The following UBXN7 variants were observed in gnomAD, a reference collection of about 807,000 sequenced individuals.
UBXN7 encodes UBX domain protein 7.
In UBXN7, 9 loss-of-function variants were observed where a neutral mutation model predicts 58.0. That is an observed-to-expected ratio of 0.16 (90% CI 0.09 to 0.27). The LOEUF is 0.27. Ranked by LOEUF, UBXN7 falls within the 10% of genes least tolerant of loss-of-function variation. The pLI is 1.00. For synonymous variants in UBXN7, 208 were observed against 205.0 expected (o/e 1.01, Z -0.12); for missense variants, 328 against 599.6 (o/e 0.55, Z 4.73).
At chr3:196,385,206 G>C (rs1729338164) in intron 5 of UBXN7, among the ~76,000 whole-genome samples, 1 of 152,232 alleles carries the variant, frequency 6.6e-6, no homozygotes, top group African/African-American at 2.4e-5. Context: ...GTTTCGCCGT[G>C]TTGGCCGGGC....
At chr3:196,364,773 T>C (rs921843970) in intron 8 of UBXN7, among the ~76,000 whole-genome samples, 1 of 151,664 alleles carries the variant, frequency 6.6e-6, no homozygotes, top group Non-Finnish European at 1.5e-5. Context: ...CTCAGCTCAC[T>C]ACTATCTCCA....
At chr3:196,415,452 A>G (rs1730452048) in intron 1 of UBXN7, among the ~76,000 whole-genome samples, 1 of 140,798 alleles carries the variant, frequency 7.1e-6, no homozygotes, top group African/African-American at 2.5e-5. Context: ...GCACCCAGCC[A>G]TATTATCATA....
intron 1 of UBXN7, among the ~76,000 whole-genome samples, chr3:196,422,388 G>A (rs1698890695): frequency 6.6e-6 from 1 of 151,908 alleles, no homozygotes; most frequent in Admixed American, 6.6e-5. Context: ...GGCTGAGGCA[G>A]GAGGATTATT....
intron 10 of UBXN7, among the ~76,000 whole-genome samples, chr3:196,359,062 T>C (rs1376046011): frequency 1.3e-5 from 2 of 152,178 alleles, no homozygotes; most frequent in East Asian, 1.9e-4. Context: ...CCCTGTTTCA[T>C]TGTGCTTCAA....
At chr3:196,407,809 A>C (rs1329032008) in intron 1 of UBXN7, among the ~76,000 whole-genome samples, 1 of 152,142 alleles carries the variant, frequency 6.6e-6, no homozygotes, top group African/African-American at 2.4e-5. Context: ...TGTTAAAAAG[A>C]AAGCATCAGG....
intron 10 of UBXN7, among the ~76,000 whole-genome samples, chr3:196,358,511 G>A (rs888349759): frequency 6.6e-6 from 1 of 152,188 alleles, no homozygotes; most frequent in South Asian, 2.1e-4. Context: ...TGGGGAAGGA[G>A]GATGACTTGA....
intron 6 of UBXN7, 148 bp downstream of exon 6, chr3:196,371,748 G>C: frequency 1.1e-6 from 1 of 948,082 alleles, no homozygotes; most frequent in Non-Finnish European, 1.4e-6. Flanking sequence ...CTCCCAAAGT[G>C]CTGGGATTAT....
intron 5 of UBXN7, among the ~76,000 whole-genome samples, chr3:196,385,899 C>G (rs941428256): frequency 6.6e-6 from 1 of 152,096 alleles, no homozygotes; most frequent in Non-Finnish European, 1.5e-5. Flanking sequence ...TCATTGAGAA[C>G]GGGCCATGAT....
In UBXN7 at chr3:196,351,403, T is replaced by C. The variant is rs562694583; in HGVS notation, c.*5282A>G. On this transcript the variant is annotated 3_prime_UTR_variant, in exon 11 of 11. Transcript: ENST00000296328. ...TTATTATTACTAGACCTATAACTAC[T>C]ATACTCTCCTCTTTGGAGATTTCAG... 6.6e-6 allele frequency: 1 copy of C among 152,166 alleles called. No homozygotes were observed. The highest frequency in any genetic ancestry group is 2.4e-5 in the African/African-American group (1 of 41,436). 9.4% of individuals were successfully genotyped at this position (152,166 alleles called of 1,614,324 possible).
intron 7 of UBXN7, 98 bp from the exon 8 acceptor site, chr3:196,368,253 G>C: frequency 8.1e-7 from 1 of 1,235,476 alleles, no homozygotes; most frequent in African/African-American, 1.5e-5. Flanking sequence ...GAATCCTTCT[G>C]AACACTCTCA....
chr3:196,417,046 G>A (rs941231778), intron 1 of UBXN7, among the ~76,000 whole-genome samples: 57 of 152,226 alleles, frequency 3.7e-4, no homozygotes, highest in Admixed American at 5.2e-4. Flanking sequence ...AGGCGCGGCG[G>A]CTCACGCCTG....
At chr3:196,365,571 C>T (rs866544111) in intron 8 of UBXN7, among the ~76,000 whole-genome samples, 49 of 152,148 alleles carry the variant, frequency 3.2e-4, no homozygotes, top group South Asian at 1.7e-3. Context: ...CAGCTGGTTC[C>T]GTAAGATCAA....
chr3:196,350,447 T>G lies in UBXN7; in HGVS notation c.*6238A>C, dbSNP rs1269688321. 2.0e-5 allele frequency: 3 copies of G among 152,242 alleles called. No individual in the cohort carries two copies. Among genetic ancestry groups the G allele is most frequent in the Non-Finnish European group, 4.4e-5 (3 of 68,042 alleles). The allele number at this position is 152,242 out of a possible 1,614,324, so 9.4% of individuals were successfully genotyped here. On this transcript the variant is annotated 3_prime_UTR_variant, in exon 11 of 11. Coordinates refer to ENST00000296328, the MANE Select transcript of UBXN7 (RefSeq NM_015562.2). Reference sequence around the variant, plus strand: ...CTTCAATTTTATAAAAAATGAAGATTGTTACATATTAAGACTTTGAAATGG... The same window carrying G: ...CTTCAATTTTATAAAAAATGAAGATGGTTACATATTAAGACTTTGAAATGG...
intron 3 of UBXN7, 32 bp from the exon 4 acceptor site, chr3:196,393,651 T>C (rs1326844529): frequency 6.3e-6 from 10 of 1,578,806 alleles, no homozygotes; most frequent in Admixed American, 5.6e-5. Flanking sequence ...TTGAAAATTT[T>C]TTAAATTAAT....
chr3:196,356,856 C>T lies in UBXN7; in HGVS notation c.1309-10G>A. The T allele has an allele frequency of 6.3e-7, 1 of 1,598,048 alleles. No individual in the cohort carries two copies. The highest frequency in any genetic ancestry group is 8.5e-7 in the Non-Finnish European group (1 of 1,176,450). ...CGTGCTTCACCAAAGCCTATAAAAA[C>T]AAGAGAAAGACAAAGCCATTAGACG... is the stretch of plus-strand genomic sequence containing the variant. On this transcript the variant is annotated splice_polypyrimidine_tract_variant and intron_variant, in intron 10 of 10. Coordinates refer to ENST00000296328, the MANE Select transcript of UBXN7 (RefSeq NM_015562.2).
At position 196,372,165 on chromosome 3, in the gene UBXN7, TAG is replaced by T. The variant is rs1728852620; in HGVS notation, c.469-125_469-124del. Reference sequence around the variant, plus strand: ...CTAAGTTTTTGCCAGATACGACATCTAGAGTTTTCAGCATTTATACATTCTAT... The same window carrying T: ...CTAAGTTTTTGCCAGATACGACATCTAGTTTTCAGCATTTATACATTCTAT... On this transcript the variant is annotated intron_variant, in intron 5 of 10. Transcript: ENST00000296328. The T allele has an allele frequency of 3.8e-6, 4 of 1,063,420 alleles. No homozygotes were observed. In the East Asian group the frequency reaches 1.1e-4, roughly 28 times the overall value. 65.9% of individuals were successfully genotyped at this position (1,063,420 alleles called of 1,614,324 possible).
intron 2 of UBXN7, among the ~76,000 whole-genome samples, chr3:196,404,505 G>A (rs185587292): frequency 4.6e-3 from 700 of 151,828 alleles, no homozygotes; most frequent in Non-Finnish European, 7.6e-3. Context: ...CTCGTGATCC[G>A]CCCACCTCGG....
intron 2 of UBXN7, among the ~76,000 whole-genome samples, chr3:196,406,025 T>G (rs1336514996): frequency 6.6e-6 from 1 of 151,824 alleles, no homozygotes; most frequent in Non-Finnish European, 1.5e-5. Flanking sequence ...TTTGTGTTTT[T>G]TTTGTTTTTT....
chr3:196,403,091 G>A (rs998547099), intron 2 of UBXN7, 72 bp from the exon 3 acceptor site: 8 of 1,381,256 alleles, frequency 5.8e-6, no homozygotes, highest in South Asian at 1.3e-5. Context: ...TGTAAATACT[G>A]TGAATATATT....
Sources: allele counts gnomAD v4.1 joint callset (sites outside exome capture counted in the v4.1 genomes callset), GRCh38; gene constraint gnomAD v4.1.1; transcripts MANE v1.5; gene names NCBI Gene and HGNC (gene_info 2026-07-23, HGNC 2026-07-21).